GPHN: variants seen among roughly 807,000 people sequenced by gnomAD.
GPHN encodes the protein gephyrin.
Under a neutral mutation model 95.5 loss-of-function variants are expected in GPHN, and 17 were observed. That is an observed-to-expected ratio of 0.18 (90% CI 0.12 to 0.27). GPHN has a LOEUF of 0.27. Ranked by LOEUF, GPHN falls within the 10% of genes least tolerant of loss-of-function variation. The pLI, the probability that GPHN is intolerant of heterozygous loss-of-function variation, is 1.00. For missense variants in GPHN, 660 were observed against 978.1 expected, an observed-to-expected ratio of 0.67 and a Z score of 4.34; for synonymous variants, 320 against 322.5, an observed-to-expected ratio of 0.99 and a Z score of 0.08.
intron 1 of GPHN, among the ~76,000 whole-genome samples, chr14:66,646,601 G>A (rs943671626): frequency 5.3e-5 from 8 of 152,002 alleles, no homozygotes; most frequent in Non-Finnish European, 8.8e-5. Flanking sequence ...TCTTGAGGGC[G>A]TTATTCTAAA....
the GPHN span, chr14:67,620,203 G>T: frequency 3.2e-4 from 223 of 697,584 alleles, 1 homozygote; most frequent in African/African-American, 3.9e-3. Context: ...GAGAAATGGC[G>T]AGGGGAAGAG....
At chr14:66,998,079 A>T (rs1022540492) in intron 9 of GPHN, among the ~76,000 whole-genome samples, 1 of 152,140 alleles carries the variant, frequency 6.6e-6, no homozygotes, top group South Asian at 2.1e-4. Flanking sequence ...TCAGGGTATT[A>T]CTTTCTCTAT....
chr14:67,102,424 G>T (rs139195124), intron 13 of GPHN, among the ~76,000 whole-genome samples: 1,661 of 152,006 alleles, frequency 0.011, 42 homozygotes, highest in African/African-American at 0.037. Context: ...ACTTTGGGAG[G>T]CCGCGGCGGG....
chr14:66,575,929 A>G (rs910984405), intron 1 of GPHN, among the ~76,000 whole-genome samples: 1 of 152,066 alleles, frequency 6.6e-6, no homozygotes, highest in Admixed American at 6.6e-5. Flanking sequence ...TGGAACTTTA[A>G]TCTGCAGGAG....
intron 8 of GPHN, among the ~76,000 whole-genome samples, chr14:66,952,612 C>T (rs1294917697): frequency 6.6e-6 from 1 of 152,116 alleles, no homozygotes; most frequent in Non-Finnish European, 1.5e-5. Context: ...AACTATTATC[C>T]ATAGAGCTGC....
At chr14:67,581,090 G>A in the GPHN span, 3 of 1,158,790 alleles carry the variant, frequency 2.6e-6, no homozygotes, top group South Asian at 2.4e-5. Flanking sequence ...GCCACTGGGT[G>A]CCAGCTCATC....
chr14:67,303,072 CGCACT>C, the GPHN span, among the ~76,000 whole-genome samples: 1 of 152,302 alleles, frequency 6.6e-6, no homozygotes, highest in African/African-American at 2.4e-5. Flanking sequence ...GTTCCTTATT[CGCACT>C]AGCTGCATTT....
chr14:67,005,816 C>T (rs180972246), intron 9 of GPHN, among the ~76,000 whole-genome samples: 7 of 151,784 alleles, frequency 4.6e-5, no homozygotes, highest in Admixed American at 3.3e-4. Context: ...TTATGAAACA[C>T]AGTAAGGGTT....
At chr14:67,049,245 TGA>T (rs779255655) in intron 10 of GPHN, among the ~76,000 whole-genome samples, 3 of 152,178 alleles carry the variant, frequency 2.0e-5, no homozygotes, top group Non-Finnish European at 4.4e-5. Flanking sequence ...GTTGTTGTTT[TGA>T]GAGAGAGTCT....
At chr14:67,113,966 A>T (rs553589078) in intron 16 of GPHN, among the ~76,000 whole-genome samples, 161 of 152,312 alleles carry the variant, frequency 1.1e-3, no homozygotes, top group African/African-American at 3.6e-3. Context: ...CTATTAAAGA[A>T]AAGATTAGCG....
intron 2 of GPHN, among the ~76,000 whole-genome samples, chr14:66,767,957 G>A (rs983502381): frequency 2.0e-5 from 3 of 151,804 alleles, no homozygotes; most frequent in African/African-American, 4.8e-5. Flanking sequence ...AGTGTTTTAC[G>A]AATTGCCAAC....
intron 17 of GPHN, among the ~76,000 whole-genome samples, chr14:67,130,901 C>A (rs1595291403): frequency 6.6e-6 from 1 of 152,154 alleles, no homozygotes; most frequent in African/African-American, 2.4e-5. Context: ...TGTTTGTTGG[C>A]TGCTTGTATG....
the GPHN span, among the ~76,000 whole-genome samples, chr14:67,189,103 T>C: frequency 1.3e-5 from 2 of 152,222 alleles, no homozygotes; most frequent in African/African-American, 4.8e-5. Context: ...ACTTGGGATA[T>C]AGGGAAAGTG....
intron 12 of GPHN, among the ~76,000 whole-genome samples, chr14:67,097,835 ATATAT>A (rs139070550): frequency 0.043 from 6,611 of 152,284 alleles, 189 homozygotes; most frequent in Middle Eastern, 0.068. Flanking sequence ...AATACATTAA[ATATAT>A]TATACATCAA....
the GPHN span, chr14:67,473,259 A>G: frequency 7.1e-3 from 6,970 of 981,838 alleles, 59 homozygotes; most frequent in Admixed American, 0.043. The surrounding 1 kb of genome is among the most constrained non-coding windows in gnomAD (Gnocchi z 6.5). Flanking sequence ...ACGGCCCCCC[A>G]ACACCGGCCC....
At chr14:67,722,326 T>G in the GPHN span, 1 of 459,648 alleles carries the variant, frequency 2.2e-6, no homozygotes, top group East Asian at 4.2e-5. Flanking sequence ...CAATTGAGGA[T>G]GGGGGGTTTA....
chr14:66,954,539 C>T (rs944189708), intron 8 of GPHN, among the ~76,000 whole-genome samples: 1 of 152,102 alleles, frequency 6.6e-6, no homozygotes, highest in African/African-American at 2.4e-5. Flanking sequence ...GTGGATGTTT[C>T]AGGAATATGT....
chr14:67,037,379 T>C (rs2074474299), intron 10 of GPHN, among the ~76,000 whole-genome samples: 1 of 151,910 alleles, frequency 6.6e-6, no homozygotes, highest in African/African-American at 2.4e-5. Flanking sequence ...TTTATGACAT[T>C]GAAATGGGAA....
chr14:67,703,486 G>A, the GPHN span, among the ~76,000 whole-genome samples: 3 of 152,204 alleles, frequency 2.0e-5, no homozygotes, highest in South Asian at 6.2e-4. Flanking sequence ...CTCAACACAA[G>A]TAGAAAAGTC....
Sources: gnomAD v4.1 joint callset for allele counts (sites outside exome capture counted in the v4.1 genomes callset) on GRCh38, gnomAD v4.1.1 for gene constraint, Gnocchi (gnomAD v3.1) non-coding constraint, MANE v1.5 for transcripts, NCBI Gene and HGNC (gene_info 2026-07-23, HGNC 2026-07-21) for gene names.